Variants in TUT7 observed in about 807,000 individuals in gnomAD.
TUT7 encodes the protein terminal uridylyl transferase 7.
In TUT7, 33 loss-of-function variants were observed where a neutral mutation model predicts 165.9. The ratio of observed to expected loss-of-function variants is 0.20; its 90% confidence interval spans 0.15 to 0.27. The LOEUF is 0.27. Among genes scored for constraint, TUT7 ranks in the 10% least tolerant of loss-of-function variants. TUT7 has a pLI of 1.00. For synonymous variants in TUT7, 552 were observed against 608.1 expected (o/e 0.91, Z 1.36); for missense variants, 1,338 against 1,762.3 (o/e 0.76, Z 4.31).
intron 13 of TUT7, 55 bp downstream of exon 13, chr9:86,322,818 G>A: frequency 6.7e-7 from 1 of 1,502,114 alleles, no homozygotes; most frequent in Non-Finnish European, 8.9e-7. Flanking sequence ...GAAATTAAAT[G>A]CATTCAAAGT....
At chr9:86,291,486 C>T (rs1039985489) in intron 26 of TUT7, among the ~76,000 whole-genome samples, 2 of 150,700 alleles carry the variant, frequency 1.3e-5, no homozygotes, top group Non-Finnish European at 3.0e-5. Context: ...GCAGGAGAAT[C>T]GCTTGAATCC....
At chr9:86,346,985 C>G (rs936999617) in intron 2 of TUT7, among the ~76,000 whole-genome samples, 1 of 152,142 alleles carries the variant, frequency 6.6e-6, no homozygotes, top group Non-Finnish European at 1.5e-5. Flanking sequence ...CTGGACAACT[C>G]AGAAATCAAC....
At chr9:86,322,588 G>A in intron 13 of TUT7, 113 bp from the exon 14 acceptor site, 9 of 1,338,700 alleles carry the variant, frequency 6.7e-6, no homozygotes, top group Non-Finnish European at 9.1e-6. Flanking sequence ...CAAAGGAAAT[G>A]AAAATATAAC....
intron 17 of TUT7, among the ~76,000 whole-genome samples, chr9:86,312,692 A>G (rs916741145): frequency 7.9e-5 from 12 of 152,150 alleles, no homozygotes; most frequent in African/African-American, 2.7e-4. Flanking sequence ...TGGGGAAAAG[A>G]TTGAGAAATC....
At chr9:86,335,815 G>A (rs372276280) in intron 10 of TUT7, among the ~76,000 whole-genome samples, 13 of 152,116 alleles carry the variant, frequency 8.5e-5, no homozygotes, top group African/African-American at 2.7e-4. Context: ...GGGTGGTAGT[G>A]TGCCTTAATG....
At chr9:86,289,904 T>C (rs911191306) in intron 26 of TUT7, among the ~76,000 whole-genome samples, 2 of 152,054 alleles carry the variant, frequency 1.3e-5, no homozygotes, top group Admixed American at 1.3e-4. Context: ...AAACTTACGA[T>C]ATGACCAAGT....
At position 86,322,542 on chromosome 9, in the gene TUT7, C is replaced by T. The variant is rs189896557; in HGVS notation, c.2878-67G>A. ...TTTGCCAAATAAAGGAGTCTGGAATCATGTTTTAAAAGTACACAGTCACCT... is the reference window on the plus strand; with the variant it reads ...TTTGCCAAATAAAGGAGTCTGGAATTATGTTTTAAAAGTACACAGTCACCT... On this transcript the variant is annotated intron_variant, in intron 13 of 26. Transcript: ENST00000375963. 5.3e-5 allele frequency: 82 copies of T among 1,539,032 alleles called. 1 individual carries two copies. The East Asian group carries it at 1.8e-3, about 34-fold the overall frequency.
At chr9:86,293,886 TA>T (rs1411492793) in intron 26 of TUT7, among the ~76,000 whole-genome samples, 1 of 151,848 alleles carries the variant, frequency 6.6e-6, no homozygotes, top group African/African-American at 2.4e-5. Context: ...GCTGGGATTA[TA>T]GGCGCACACC....
intron 1 of TUT7, 122 bp from the exon 2 acceptor site, chr9:86,353,352 T>TA: frequency 1.0e-5 from 8 of 782,530 alleles, no homozygotes; most frequent in Non-Finnish European, 1.5e-5. Context: ...CCTATTTTTT[T>TA]AAAATAAAAA....
intron 25 of TUT7, 74 bp downstream of exon 25, chr9:86,303,012 T>C: frequency 1.5e-6 from 1 of 671,700 alleles, no homozygotes; most frequent in South Asian, 2.2e-5. Context: ...TTCTTTGTTA[T>C]AATAGTACCT....
chr9:86,311,402 G>A lies in TUT7; in HGVS notation c.3275-593C>T, dbSNP rs1411277478. Among the ~76,000 whole-genome samples, 1 of 152,154 alleles carries A rather than the reference G, an allele frequency of 6.6e-6. No homozygotes were observed. Among genetic ancestry groups the A allele is most frequent in the East Asian group, 1.9e-4 (1 of 5,198 alleles). On this transcript the variant is annotated intron_variant, in intron 17 of 26. Transcript: ENST00000375963. This position sits in a 1 kb window ranked among gnomAD's most constrained non-coding sequence, Gnocchi z 4.4. The stretch of plus-strand genomic sequence containing the variant: ...GCAAGGCAAACTGTACACAAAAAGT[G>A]TAGATGCCTGAAATAGAATGGTACG...
intron 22 of TUT7, 86 bp downstream of exon 22, chr9:86,308,343 G>A: frequency 8.0e-7 from 1 of 1,256,514 alleles, no homozygotes; most frequent in Non-Finnish European, 1.1e-6. Context: ...CCAAGCAGCT[G>A]GAAGAGCTCT....
chr9:86,301,727 G>A (rs1199482999), intron 25 of TUT7, 126 bp from the exon 26 acceptor site: 1 of 1,474,292 alleles, frequency 6.8e-7, no homozygotes, highest in African/African-American at 1.4e-5. Context: ...GTATTAAAAG[G>A]AAAAGCAAGA....
At chr9:86,337,659 C>G in intron 9 of TUT7, 121 bp from the exon 10 acceptor site, 3 of 1,200,402 alleles carry the variant, frequency 2.5e-6, no homozygotes, top group Non-Finnish European at 2.3e-6. Context: ...AATTCTTCAG[C>G]TGAAAATAGC....
chr9:86,347,784 C>T (rs929280544), intron 2 of TUT7, among the ~76,000 whole-genome samples: 2 of 152,122 alleles, frequency 1.3e-5, no homozygotes, highest in Admixed American at 6.5e-5. Context: ...GAAAATCAGG[C>T]TACCTTGCGC....
chr9:86,353,697 T>C (rs904502937), intron 1 of TUT7, among the ~76,000 whole-genome samples: 1 of 152,156 alleles, frequency 6.6e-6, no homozygotes, highest in African/African-American at 2.4e-5. Flanking sequence ...GAGTACTACA[T>C]TTCTCAACTC....
At position 86,303,039 on chromosome 9, in the gene TUT7, C is replaced by T. The variant is rs564150136; in HGVS notation, c.4094+47G>A. On this transcript the variant is annotated intron_variant, in intron 25 of 26. Coordinates refer to ENST00000375963, the MANE Select transcript of TUT7 (RefSeq NM_024617.4). ...ATAGTACCTCATTTAAAAATTGGGACATTAAGAAAATAAAAACACAACCAA... is the reference window on the plus strand; with the variant it reads ...ATAGTACCTCATTTAAAAATTGGGATATTAAGAAAATAAAAACACAACCAA... The T allele has an allele frequency of 9.2e-6, 8 of 870,668 alleles. No homozygotes were observed. The East Asian group carries it at 1.8e-4, about 20-fold the overall frequency. 53.9% of individuals were successfully genotyped at this position (870,668 alleles called of 1,614,324 possible).
chr9:86,330,416 C>G (rs1296356817), intron 10 of TUT7, among the ~76,000 whole-genome samples: 1 of 152,196 alleles, frequency 6.6e-6, no homozygotes, highest in Non-Finnish European at 1.5e-5. Flanking sequence ...GCCATGGTAA[C>G]TGCTCAGTAA....
intron 21 of TUT7, among the ~76,000 whole-genome samples, chr9:86,308,935 A>G (rs761490621): frequency 2.6e-5 from 4 of 152,198 alleles, no homozygotes; most frequent in African/African-American, 4.8e-5. Flanking sequence ...TCTGGGTACA[A>G]AAACCACAGA....
Sources: gnomAD v4.1 joint callset for allele counts (sites outside exome capture counted in the v4.1 genomes callset) on GRCh38, gnomAD v4.1.1 for gene constraint, Gnocchi (gnomAD v3.1) non-coding constraint, MANE v1.5 for transcripts, NCBI Gene and HGNC (gene_info 2026-07-23, HGNC 2026-07-21) for gene names.